Variants in PTPRG observed in about 807,000 individuals in gnomAD.
PTPRG encodes protein tyrosine phosphatase receptor type G.
PTPRG carries 102 observed loss-of-function variants against 165.3 expected under a neutral mutation model. The ratio of observed to expected loss-of-function variants is 0.62; its 90% confidence interval spans 0.53 to 0.73. The LOEUF is 0.73. Ranked by LOEUF, PTPRG falls within the 30% of genes least tolerant of loss-of-function variation. The pLI, the probability that PTPRG is intolerant of heterozygous loss-of-function variation, is 0.00. For missense variants in PTPRG, 1,866 were observed against 1,861.4 expected (o/e 1.00, Z -0.05); for synonymous variants, 675 against 669.5 (o/e 1.01, Z -0.13).
In PTPRG at chr3:61,562,126, G is replaced by A. The variant is rs1699770813; in HGVS notation, c.-162G>A. The A allele has an allele frequency of 1.7e-6, 1 of 598,046 alleles. No individual in the cohort carries two copies. The highest frequency in any genetic ancestry group is 3.0e-6 in the Non-Finnish European group (1 of 337,788). The allele number at this position is 598,046 out of a possible 1,614,324, so 37.0% of individuals were successfully genotyped here. Reference sequence around the variant, plus strand: ...GAGATTTTCCGGGGGGCGCTCGGCGGCTTCCCGGATTCCAAGGGGACTCGG... The same window carrying A: ...GAGATTTTCCGGGGGGCGCTCGGCGACTTCCCGGATTCCAAGGGGACTCGG... On this transcript the variant is annotated 5_prime_UTR_variant, in exon 1 of 30. Transcript: ENST00000474889.
At chr3:61,744,809 G>C (rs1249981128) in intron 1 of PTPRG, among the ~76,000 whole-genome samples, 1 of 139,714 alleles carries the variant, frequency 7.2e-6, no homozygotes, top group Non-Finnish European at 1.6e-5. Flanking sequence ...CCTTCCTAAA[G>C]AATTGCTTAT....
chr3:61,633,335 C>T (rs550301906), intron 1 of PTPRG, among the ~76,000 whole-genome samples: 1 of 151,994 alleles, frequency 6.6e-6, no homozygotes, highest in African/African-American at 2.4e-5. Context: ...ATAAAGGAAC[C>T]TGTAGTAGCT....
At chr3:61,587,233 A>C (rs970981002) in intron 1 of PTPRG, among the ~76,000 whole-genome samples, 7 of 152,228 alleles carry the variant, frequency 4.6e-5, no homozygotes, top group African/African-American at 7.2e-5. Flanking sequence ...ATCACTTATA[A>C]TTTGTCCTTA....
intron 2 of PTPRG, among the ~76,000 whole-genome samples, chr3:61,806,788 A>G (rs1181670658): frequency 6.6e-6 from 1 of 152,224 alleles, no homozygotes; most frequent in African/African-American, 2.4e-5. Context: ...ACCAGTGTCT[A>G]CAATCTATCT....
chr3:62,082,293 C>T (rs962145471), intron 5 of PTPRG, among the ~76,000 whole-genome samples: 2 of 152,278 alleles, frequency 1.3e-5, no homozygotes, highest in Non-Finnish European at 2.9e-5. Context: ...TCTGCCTTTG[C>T]TGTGCTTAGA....
chr3:61,755,821 T>C (rs2106944552), intron 2 of PTPRG, among the ~76,000 whole-genome samples: 1 of 152,304 alleles, frequency 6.6e-6, no homozygotes, highest in Middle Eastern at 3.4e-3. Flanking sequence ...ATTATTCTAC[T>C]AGTGACATAG....
chr3:61,753,139 A>T (rs532240970), intron 2 of PTPRG, among the ~76,000 whole-genome samples: 2 of 152,218 alleles, frequency 1.3e-5, no homozygotes, highest in Non-Finnish European at 2.9e-5. Flanking sequence ...TCTGCTAGTA[A>T]AAAAGGGGGA....
intron 1 of PTPRG, among the ~76,000 whole-genome samples, chr3:61,719,272 A>C (rs955264906): frequency 6.6e-6 from 1 of 152,232 alleles, no homozygotes; most frequent in Non-Finnish European, 1.5e-5. Flanking sequence ...AATCGAGGAA[A>C]GGCCCTGGGC....
At chr3:62,208,920 A>G (rs951086718) in intron 12 of PTPRG, among the ~76,000 whole-genome samples, 33 of 152,154 alleles carry the variant, frequency 2.2e-4, no homozygotes, top group African/African-American at 7.7e-4. Context: ...TGGTGAGGGA[A>G]GCGAGGCTCA....
chr3:61,809,717 T>A (rs970680495), intron 2 of PTPRG, among the ~76,000 whole-genome samples: 7 of 152,032 alleles, frequency 4.6e-5, no homozygotes, highest in Admixed American at 3.9e-4. Flanking sequence ...TGAAGGGGAA[T>A]AGAAAGACAT....
At chr3:61,869,145 A>C (rs1041695143) in intron 2 of PTPRG, among the ~76,000 whole-genome samples, 1 of 152,204 alleles carries the variant, frequency 6.6e-6, no homozygotes, top group African/African-American at 2.4e-5. Context: ...ATCTCCATCA[A>C]TGAGGCTGAC....
chr3:61,662,949 G>A (rs1462553490), intron 1 of PTPRG, among the ~76,000 whole-genome samples: 1 of 152,188 alleles, frequency 6.6e-6, no homozygotes, highest in African/African-American at 2.4e-5. Context: ...TTCAAGTCGA[G>A]TAGCTTCCGA....
intron 5 of PTPRG, among the ~76,000 whole-genome samples, chr3:62,127,253 G>A (rs373927251): frequency 6.6e-6 from 1 of 152,174 alleles, no homozygotes; most frequent in South Asian, 2.1e-4. Context: ...TGACAGCAAC[G>A]TGAACCAAAA....
At chr3:62,174,223 T>A (rs564077263) in intron 8 of PTPRG, among the ~76,000 whole-genome samples, 7 of 152,328 alleles carry the variant, frequency 4.6e-5, no homozygotes, top group Admixed American at 2.6e-4. Context: ...AAAATAACTT[T>A]CCTTCCAACA....
intron 1 of PTPRG, among the ~76,000 whole-genome samples, chr3:61,718,224 A>AAAC (rs1299765902): frequency 6.6e-6 from 1 of 152,000 alleles, no homozygotes; most frequent in East Asian, 1.9e-4. Flanking sequence ...AAAAAAAAAA[A>AAAC]AAAAACGCAG....
intron 2 of PTPRG, among the ~76,000 whole-genome samples, chr3:61,779,891 C>T (rs903470537): frequency 2.0e-5 from 3 of 152,146 alleles, no homozygotes; most frequent in Non-Finnish European, 4.4e-5. Flanking sequence ...GAATCCATGT[C>T]CGATAGCGAG....
chr3:62,148,771 A>C (rs1320646298), intron 6 of PTPRG, among the ~76,000 whole-genome samples: 1 of 152,032 alleles, frequency 6.6e-6, no homozygotes, highest in East Asian at 1.9e-4. Flanking sequence ...CCACAAAATA[A>C]ATAAATAAAT....
rs567501810 is a variant in PTPRG at position 61,630,882 on chromosome 3, C to A, written c.85+68510C>A. ...ACCAGCCTGGCCAATATGGTAAAAT[C>A]GTGTCTCTACTAAAAATACAAAAAT... is the stretch of plus-strand genomic sequence containing the variant. On this transcript the variant is annotated intron_variant, in intron 1 of 29. Transcript: ENST00000474889. Among the ~76,000 whole-genome samples the A allele has an allele frequency of 2.0e-5, 3 of 151,980 alleles. No individual in the cohort carries two copies. In the South Asian group the frequency reaches 6.2e-4, roughly 32 times the overall value.
intron 5 of PTPRG, among the ~76,000 whole-genome samples, chr3:62,082,543 T>C (rs1701617060): frequency 1.3e-5 from 2 of 152,380 alleles, no homozygotes; most frequent in African/African-American, 4.8e-5. Context: ...GAGATGTGTC[T>C]AGTGGCTACT....
Sources: allele counts gnomAD v4.1 joint callset (sites outside exome capture counted in the v4.1 genomes callset), GRCh38; gene constraint gnomAD v4.1.1; transcripts MANE v1.5; gene names NCBI Gene and HGNC (gene_info 2026-07-23, HGNC 2026-07-21).